TRAK1: variants seen among roughly 807,000 people sequenced by gnomAD.
TRAK1 encodes the protein trafficking kinesin-binding protein 1.
In TRAK1, 33 loss-of-function variants were observed where a neutral mutation model predicts 92.1. That is an observed-to-expected ratio of 0.36 (90% CI 0.27 to 0.48). TRAK1 has a LOEUF of 0.48. TRAK1 is among the 20% of genes least tolerant of loss of function. The pLI is 0.99. For synonymous variants in TRAK1, 521 were observed against 517.3 expected (o/e 1.01, Z -0.10); for missense variants, 1,123 against 1,257.9 (o/e 0.89, Z 1.62).
chr3:42,030,032 G>A (rs1702061680), intron 1 of TRAK1, among the ~76,000 whole-genome samples: 2 of 152,238 alleles, frequency 1.3e-5, no homozygotes, highest in Admixed American at 6.5e-5. Context: ...AGAGGGACAG[G>A]AGCAGCCAAG....
In TRAK1 at chr3:42,223,070, C is replaced by T; in HGVS notation, c.2195C>T (p.Thr732Ile). The change falls in exon 16 of 16, where the codon ACC (threonine) becomes ATC (isoleucine). Residue 732 changes from threonine to isoleucine, a missense_variant. Thr to Ile is a moderately conservative substitution (Grantham distance 89). Around this residue, in one of 3 missense-constraint regions of TRAK1, gnomAD observed 401 missense variants for 438.9 expected, o/e 0.91. Coordinates refer to ENST00000327628, the MANE Select transcript of TRAK1 (RefSeq NM_001042646.3). The surrounding 1 kb of genome is among the most constrained non-coding windows in gnomAD (Gnocchi z 6.1). ...TTCACTAACACCCGTGAGTCCACGA[C>T]CACCATGAGCACATCCCTGGGGCTC... is the stretch of plus-strand genomic sequence containing the variant. Reference protein sequence around the residue: ...ESFTNTRESTTTMSTSLGLVW... With the variant: ...ESFTNTRESTITMSTSLGLVW... 3 of 1,614,152 alleles carry T rather than the reference C, an allele frequency of 1.9e-6. No individual in the cohort carries two copies. Among genetic ancestry groups the T allele is most frequent in the Non-Finnish European group, 2.5e-6 (3 of 1,180,032 alleles).
chr3:42,146,349 A>G (rs987701247), intron 2 of TRAK1: 2 of 285,288 alleles, frequency 7.0e-6, no homozygotes, highest in Admixed American at 3.8e-5. Flanking sequence ...TTCCATATCA[A>G]ATGAAGCTCT....
At chr3:42,196,908 C>G (rs1280049925) in intron 10 of TRAK1, among the ~76,000 whole-genome samples, 1 of 151,478 alleles carries the variant, frequency 6.6e-6, no homozygotes, top group East Asian at 1.9e-4. Context: ...ATCTCCACTT[C>G]AAAATGACAG....
intron 2 of TRAK1, among the ~76,000 whole-genome samples, chr3:42,126,089 T>A (rs923079586): frequency 6.6e-6 from 1 of 151,090 alleles, no homozygotes; most frequent in South Asian, 2.1e-4. Flanking sequence ...CTCCTGACCT[T>A]AAGCCACCCA....
chr3:42,065,260 TAAATA>T (rs1232774812), intron 1 of TRAK1, among the ~76,000 whole-genome samples: 1 of 152,048 alleles, frequency 6.6e-6, no homozygotes, highest in Non-Finnish European at 1.5e-5. Flanking sequence ...CTCAAATAAA[TAAATA>T]AAATAAGATA....
At chr3:42,031,938 C>G (rs1702160959) in intron 1 of TRAK1, among the ~76,000 whole-genome samples, 1 of 152,088 alleles carries the variant, frequency 6.6e-6, no homozygotes, top group African/African-American at 2.4e-5. Flanking sequence ...GAGATTAGTT[C>G]CCTCCCTGCA....
chr3:42,161,282 C>G (rs1435915370), intron 2 of TRAK1, among the ~76,000 whole-genome samples: 2 of 152,226 alleles, frequency 1.3e-5, no homozygotes, highest in Non-Finnish European at 2.9e-5. Flanking sequence ...TAAACAATGA[C>G]TAATGTTCTT....
At chr3:42,053,685 C>G (rs1307900085) in intron 1 of TRAK1, among the ~76,000 whole-genome samples, 3 of 152,138 alleles carry the variant, frequency 2.0e-5, no homozygotes, top group African/African-American at 7.2e-5. Context: ...CCTGCCTGAC[C>G]TGGGCTGGTC....
At chr3:42,078,539 G>A (rs982723080) in intron 1 of TRAK1, among the ~76,000 whole-genome samples, 6 of 151,950 alleles carry the variant, frequency 3.9e-5, no homozygotes, top group African/African-American at 1.5e-4. Flanking sequence ...GGATCATGAG[G>A]TCAGGAGATC....
chr3:42,121,840 CAG>C (rs1486614447), intron 1 of TRAK1, among the ~76,000 whole-genome samples: 2 of 149,508 alleles, frequency 1.3e-5, no homozygotes, highest in African/African-American at 2.4e-5. Context: ...TTTTTAAAAA[CAG>C]AGTCTCGCTC....
At chr3:42,129,850 AG>A (rs771831419) in intron 2 of TRAK1, among the ~76,000 whole-genome samples, 81 of 152,260 alleles carry the variant, frequency 5.3e-4, no homozygotes, top group Admixed American at 2.9e-3. Flanking sequence ...CCAGTATCTC[AG>A]ATTAGCTACA....
chr3:42,142,528 C>T (rs1442995751), intron 2 of TRAK1, among the ~76,000 whole-genome samples: 1 of 152,214 alleles, frequency 6.6e-6, no homozygotes, highest in Non-Finnish European at 1.5e-5. Context: ...TCTGTGCCCA[C>T]AGCATCAGAC....
chr3:42,188,185 C>T (rs1705174057), intron 5 of TRAK1, 40 bp downstream of exon 5: 2 of 1,584,534 alleles, frequency 1.3e-6, no homozygotes, highest in Non-Finnish European at 1.7e-6. Context: ...GGCCAGAGCA[C>T]AGGCTGGCCG....
chr3:42,149,091 A>G, intron 2 of TRAK1: 1 of 710,544 alleles, frequency 1.4e-6, no homozygotes, highest in Non-Finnish European at 1.7e-6. Context: ...ATCATTTTTC[A>G]GAGCCGGCCA....
chr3:42,152,642 T>C (rs1182096349), intron 2 of TRAK1, among the ~76,000 whole-genome samples: 3 of 152,132 alleles, frequency 2.0e-5, no homozygotes, highest in Non-Finnish European at 4.4e-5. Context: ...GCCTCAGGCA[T>C]GGGGAGGGGC....
intron 2 of TRAK1, among the ~76,000 whole-genome samples, chr3:42,130,081 G>A (rs1315736019): frequency 6.6e-6 from 1 of 152,052 alleles, no homozygotes; most frequent in Non-Finnish European, 1.5e-5. Flanking sequence ...ATTTGAAGAT[G>A]AGGTTTCTTT....
Position 42,041,888 on chromosome 3 carries a change from G to A in TRAK1, c.-519+27771G>A, listed in dbSNP as rs376665653. ...TGGCTCACCGCAGCCTCCGCCTCCC[G>A]GGTTCAAGCGATTCTCCTGCCTTAG... is the stretch of plus-strand genomic sequence containing the variant. On this transcript the variant is annotated intron_variant, in intron 1 of 16. Transcript: ENST00000487159. Among the ~76,000 whole-genome samples the A allele has an allele frequency of 5.9e-5, 9 of 151,390 alleles. No homozygotes were observed. The South Asian group carries it at 1.5e-3, about 25-fold the overall frequency.
chr3:42,145,643 G>C (rs544109068), intron 2 of TRAK1: 3 of 153,924 alleles, frequency 1.9e-5, no homozygotes, highest in African/African-American at 7.2e-5. Context: ...GTTTACATCT[G>C]ATTTACTTTT....
At chr3:42,220,708 C>A in intron 15 of TRAK1, 1 of 678,502 alleles carries the variant, frequency 1.5e-6, no homozygotes. Flanking sequence ...TGTGGTTGTG[C>A]CTGGCTAACT....
Sources: gnomAD v4.1 joint callset for allele counts (sites outside exome capture counted in the v4.1 genomes callset) on GRCh38, gnomAD v4.1.1 for gene constraint, gnomAD v4.1.1 regional missense constraint, Gnocchi (gnomAD v3.1) non-coding constraint, MANE v1.5 for transcripts, NCBI Gene and HGNC (gene_info 2026-07-23, HGNC 2026-07-21) for gene names.